The following LRCH1 variants were observed in gnomAD, a reference collection of about 807,000 sequenced individuals.
The protein encoded by LRCH1 is leucine-rich repeat and calponin homology domain-containing protein 1.
Under a neutral mutation model 94.9 loss-of-function variants are expected in LRCH1, and 23 were observed. The observed-to-expected ratio is 0.24, with a 90% confidence interval of 0.17 to 0.34. The LOEUF (loss-of-function observed/expected upper bound fraction) is 0.34. LRCH1 is among the 10% of genes least tolerant of loss of function. LRCH1 has a pLI of 1.00. For missense variants in LRCH1, 790 were observed against 945.9 expected (o/e 0.84, Z 2.16); for synonymous variants, 364 against 354.9 (o/e 1.03, Z -0.29).
chr13:46,747,832 G>A (rs143573603), downstream of LRCH1, among the ~76,000 whole-genome samples: 3,794 of 151,968 alleles, frequency 0.025, 146 homozygotes, highest in African/African-American at 0.082. Context: ...CAAATTCCTG[G>A]GCTCAAATGA....
chr13:46,627,946 A>G (rs2050970657), intron 1 of LRCH1, among the ~76,000 whole-genome samples: 1 of 152,110 alleles, frequency 6.6e-6, no homozygotes, highest in Non-Finnish European at 1.5e-5. Flanking sequence ...CTCATGTTCT[A>G]CAAAATCATA....
At chr13:46,580,357 C>T (rs963972209) in intron 1 of LRCH1, among the ~76,000 whole-genome samples, 2 of 152,048 alleles carry the variant, frequency 1.3e-5, no homozygotes, top group African/African-American at 4.8e-5. Flanking sequence ...TGCTAGAATC[C>T]TATGTGTGAT....
At position 46,686,050 on chromosome 13, in the gene LRCH1, T is replaced by A; in HGVS notation, c.822+9T>A. 1 of 1,541,864 alleles carries A rather than the reference T, an allele frequency of 6.5e-7. No individual in the cohort carries two copies. Among genetic ancestry groups the A allele is most frequent in the Non-Finnish European group, 8.7e-7 (1 of 1,148,130 alleles). The stretch of plus-strand genomic sequence containing the variant: ...AGTCTCCTCCAGCACAGGTGAGGGG[T>A]CTTGCAGCAAAGCCAATGCCCCATG... On this transcript the variant is annotated intron_variant, in intron 5 of 19. Transcript: ENST00000389797.
In LRCH1 at chr13:46,573,866, ATT is replaced by A. The variant is rs540821255; in HGVS notation, c.307+20176_307+20177del. Reference sequence around the variant, plus strand: ...GTCAAATATATATATATATATATATATTTTTTTTTTTTTTGAGATGGAGTCTT... The same window carrying A: ...GTCAAATATATATATATATATATATATTTTTTTTTTTTGAGATGGAGTCTT... On this transcript the variant is annotated intron_variant, in intron 1 of 19. Coordinates refer to ENST00000389797, the MANE Select transcript of LRCH1 (RefSeq NM_001164211.2). 6.6e-3 allele frequency among the ~76,000 whole-genome samples: 421 copies of A among 63,382 alleles called. 8 individuals are homozygous for A. The highest frequency in any genetic ancestry group is 0.019 in the African/African-American group (367 of 19,338). The allele number at this position is 63,382 out of a possible 152,430, so 41.6% of individuals were successfully genotyped here.
chr13:46,603,332 C>CTCTGTCAGCCCCATTCTCTT (rs907513310), intron 1 of LRCH1, among the ~76,000 whole-genome samples: 2 of 152,080 alleles, frequency 1.3e-5, no homozygotes, highest in Non-Finnish European at 2.9e-5. Flanking sequence ...TCCCTGAAAT[C>CTCTGTCAGCCCCATTCTCTT]TCTGTCAGCC....
chr13:46,660,128 C>T (rs1041135167), intron 2 of LRCH1, among the ~76,000 whole-genome samples: 3 of 142,558 alleles, frequency 2.1e-5, no homozygotes, highest in Non-Finnish European at 4.5e-5. Flanking sequence ...TCTCCTGCCT[C>T]GGCCTCCCTA....
chr13:46,729,032 G>C, intron 18 of LRCH1, 48 bp downstream of exon 18: 4 of 1,558,390 alleles, frequency 2.6e-6, no homozygotes, highest in South Asian at 1.2e-5. Context: ...AGACCTTTAG[G>C]GGGCACTGTT....
chr13:46,578,058 C>T (rs1233838150), intron 1 of LRCH1, among the ~76,000 whole-genome samples: 1 of 152,180 alleles, frequency 6.6e-6, no homozygotes, highest in African/African-American at 2.4e-5. Flanking sequence ...TTATTTGCTC[C>T]CTTATAATCA....
At chr13:46,735,215 TG>T (rs1873310753) in intron 19 of LRCH1, among the ~76,000 whole-genome samples, 1 of 152,280 alleles carries the variant, frequency 6.6e-6, no homozygotes, top group Admixed American at 6.5e-5. Flanking sequence ...TGTTATAATC[TG>T]TCTATTGTGT....
chr13:46,565,547 C>G (rs2050173453), intron 1 of LRCH1, among the ~76,000 whole-genome samples: 1 of 151,840 alleles, frequency 6.6e-6, no homozygotes, highest in African/African-American at 2.4e-5. Flanking sequence ...TGCAATGGCT[C>G]ATACCTGTAA....
chr13:46,687,907 A>C lies in LRCH1; in HGVS notation c.878A>C (p.Gln293Pro), dbSNP rs757298560. 3.1e-6 allele frequency: 5 copies of C among 1,613,558 alleles called. No individual in the cohort carries two copies. The highest frequency in any genetic ancestry group is 4.2e-6 in the Non-Finnish European group (5 of 1,179,678). The change falls in exon 6 of 20, where the codon CAG (glutamine) becomes CCG (proline). Residue 293 changes from glutamine (Q) to proline (P), a missense_variant. Physicochemically the swap from Gln to Pro is moderately conservative, Grantham distance 76 (BLOSUM62 -1). Coordinates refer to ENST00000389797, the MANE Select transcript of LRCH1 (RefSeq NM_001164211.2). The stretch of plus-strand genomic sequence containing the variant: ...AAGTATCTGAGCATACAAGCATGCC[A>C]GATTAAGACAGCTGACTCCCTTTAT... ...IFKYLSIQAC[Q>P]IKTADSLYLH...
Position 46,621,427 on chromosome 13 carries a change from C to A in LRCH1, c.308-28774C>A, listed in dbSNP as rs548761783. Among the ~76,000 whole-genome samples, 5 of 152,264 alleles carry A rather than the reference C, an allele frequency of 3.3e-5. No individual in the cohort carries two copies. The East Asian group carries it at 9.7e-4, about 29-fold the overall frequency. On this transcript the variant is annotated intron_variant, in intron 1 of 19. Transcript: ENST00000389797. ...GCAGGGTGCTTGAATGCTATATAAT[C>A]AAGTTGAGATCTTAGTCTGGGGCAG... is the stretch of plus-strand genomic sequence containing the variant.
chr13:46,689,841 T>A (rs1204663888), intron 7 of LRCH1, among the ~76,000 whole-genome samples: 2 of 152,146 alleles, frequency 1.3e-5, no homozygotes, highest in Admixed American at 1.3e-4. Context: ...TTATCTCACA[T>A]GTAGTCTATT....
At chr13:46,681,688 C>T in intron 3 of LRCH1, 53 bp from the exon 4 acceptor site, 3 of 1,248,330 alleles carry the variant, frequency 2.4e-6, no homozygotes, top group African/African-American at 2.9e-5. Flanking sequence ...ACATGAAATG[C>T]TTGATTTCCT....
Position 46,573,866 on chromosome 13 carries a change from A to ATATATATATATATATATATATATTT in LRCH1, c.307+20164_307+20165insATATATATATATATATATATATTTT. Among the ~76,000 whole-genome samples, 69 of 63,322 alleles carry ATATATATATATATATATATATATTT rather than the reference A, an allele frequency of 1.1e-3. 1 individual carries two copies. Among genetic ancestry groups the ATATATATATATATATATATATATTT allele is most frequent in the African/African-American group, 1.6e-3 (31 of 19,308 alleles). 41.5% of individuals were successfully genotyped at this position (63,322 alleles called of 152,430 possible). On this transcript the variant is annotated intron_variant, in intron 1 of 19. Coordinates refer to ENST00000389797, the MANE Select transcript of LRCH1 (RefSeq NM_001164211.2). The stretch of plus-strand genomic sequence containing the variant: ...GTCAAATATATATATATATATATAT[A>ATATATATATATATATATATATATTT]TTTTTTTTTTTTTTGAGATGGAGTC...
Position 46,553,460 on chromosome 13 carries a change from C to T in LRCH1, c.64C>T (p.Pro22Ser). 1.9e-6 allele frequency: 3 copies of T among 1,549,488 alleles called. No homozygotes were observed. The African/African-American group carries it at 4.1e-5, about 21-fold the overall frequency. Residue 22 changes from proline to serine, a missense_variant, in exon 1 of 20, where the codon CCA (proline) becomes TCA (serine). Pro to Ser is a moderately conservative substitution (Grantham distance 74). Around this residue, in one of 3 missense-constraint regions of LRCH1, gnomAD observed 136 missense variants for 143.5 expected, o/e 0.95. Transcript: ENST00000389797. ...GGCCCTTTCGGTAGCTACTCTGCAC[C>T]CACTTCATCATCCCCACCACCACCA... ...VPALSVATLH[P>S]LHHPHHHHHH...
At chr13:46,669,230 C>G in intron 3 of LRCH1, 74 bp downstream of exon 3, 1 of 1,554,046 alleles carries the variant, frequency 6.4e-7, no homozygotes, top group Middle Eastern at 1.7e-4. Context: ...TTCAGAAAAC[C>G]TTTTTGCTAC....
In LRCH1 at chr13:46,660,294, G is replaced by A. The variant is rs561288561; in HGVS notation, c.453-8736G>A. ...CTCCCAAAGTGCTGGGATTACAGGCGTGAGCCACCGCACCTGGCCTAGGAG... is the reference window on the plus strand; with the variant it reads ...CTCCCAAAGTGCTGGGATTACAGGCATGAGCCACCGCACCTGGCCTAGGAG... On this transcript the variant is annotated intron_variant, in intron 2 of 19. Coordinates refer to ENST00000389797, the MANE Select transcript of LRCH1 (RefSeq NM_001164211.2). 9.0e-4 allele frequency among the ~76,000 whole-genome samples: 137 copies of A among 152,058 alleles called. 1 individual carries two copies. Among genetic ancestry groups the A allele is most frequent in the African/African-American group, 3.1e-3 (127 of 41,478 alleles).
chr13:46,645,645 T>C (rs9526209), intron 1 of LRCH1, among the ~76,000 whole-genome samples: 103,090 of 151,990 alleles, frequency 0.68, 35,171 homozygotes, highest in Middle Eastern at 0.75. Flanking sequence ...TGAGTAACTT[T>C]CTCAAACATC....
Sources: allele counts gnomAD v4.1 joint callset (sites outside exome capture counted in the v4.1 genomes callset), GRCh38; gene constraint gnomAD v4.1.1; regional missense constraint gnomAD v4.1.1; transcripts MANE v1.5; gene names NCBI Gene and HGNC (gene_info 2026-07-23, HGNC 2026-07-21).